The following NTNG2 variants were observed in gnomAD, a reference collection of about 807,000 sequenced individuals.
The protein encoded by NTNG2 is netrin G2.
Under a neutral mutation model 47.6 loss-of-function variants are expected in NTNG2, and 15 were observed. That is an observed-to-expected ratio of 0.32 (90% CI 0.21 to 0.49). The LOEUF (loss-of-function observed/expected upper bound fraction) is 0.49. NTNG2 is among the 20% of genes least tolerant of loss of function. The pLI is 0.99. For synonymous variants in NTNG2, 307 were observed against 324.6 expected (o/e 0.95, Z 0.58); for missense variants, 578 against 764.6 (o/e 0.76, Z 2.88).
intron 3 of NTNG2, among the ~76,000 whole-genome samples, chr9:132,220,633 T>C (rs1334637029): frequency 6.6e-6 from 1 of 152,102 alleles, no homozygotes; most frequent in African/African-American, 2.4e-5. Flanking sequence ...TTTGTGATTT[T>C]AGTAGAGACG....
chr9:132,188,828 C>T (rs1452089890), intron 2 of NTNG2, among the ~76,000 whole-genome samples: 1 of 152,124 alleles, frequency 6.6e-6, no homozygotes, highest in Non-Finnish European at 1.5e-5. Context: ...CGAAGATTTC[C>T]CGAGTCCCTG....
At chr9:132,207,995 C>A (rs28436026) in intron 3 of NTNG2, among the ~76,000 whole-genome samples, 1 of 151,998 alleles carries the variant, frequency 6.6e-6, no homozygotes, top group South Asian at 2.1e-4. Flanking sequence ...TCTCAGATAC[C>A]TGGGAGGCTG....
At position 132,240,727 on chromosome 9, in the gene NTNG2, C is replaced by G; in HGVS notation, c.1223-183C>G. 5.0e-6 allele frequency: 4 copies of G among 794,038 alleles called. No homozygotes were observed. The South Asian group carries it at 6.9e-5, about 14-fold the overall frequency. 49.2% of individuals were successfully genotyped at this position (794,038 alleles called of 1,614,324 possible). ...AAGGAAGGAAGCCAGAGTCTTCTCT[C>G]CAGGCCTGGCCACCCTGGGAAGTCC... is the stretch of plus-strand genomic sequence containing the variant. On this transcript the variant is annotated intron_variant, in intron 6 of 7. Transcript: ENST00000393229.
rs1174167451 is a variant in NTNG2 at position 132,197,304 on chromosome 9, G to A, written c.214-662G>A. Among the ~76,000 whole-genome samples, 1 of 152,130 alleles carries A rather than the reference G, an allele frequency of 6.6e-6. No homozygotes were observed. Among genetic ancestry groups the A allele is most frequent in the Non-Finnish European group, 1.5e-5 (1 of 68,018 alleles). On this transcript the variant is annotated intron_variant, in intron 2 of 7. Transcript: ENST00000393229. The surrounding 1 kb of genome is among the most constrained non-coding windows in gnomAD (Gnocchi z 4.3). ...CTTGGGAGGCTGAGGCAGGAGAATC[G>A]CTGGAACCTGGGAGGTGGAGGTTGC...
intron 2 of NTNG2, among the ~76,000 whole-genome samples, chr9:132,187,294 A>T (rs1255386081): frequency 6.6e-6 from 1 of 152,178 alleles, no homozygotes; most frequent in Non-Finnish European, 1.5e-5. Context: ...TGGGAGGAAA[A>T]TTGCTCCAAC....
chr9:132,183,198 G>C (rs1837083125), intron 2 of NTNG2, among the ~76,000 whole-genome samples: 1 of 152,124 alleles, frequency 6.6e-6, no homozygotes, highest in Non-Finnish European at 1.5e-5. Flanking sequence ...CCAGGCTTGG[G>C]AGAGGGCCAC....
rs966671053 is a variant in NTNG2 at position 132,163,062 on chromosome 9, C to A, written c.-484+823C>A. On this transcript the variant is annotated intron_variant, in intron 1 of 7. Coordinates refer to ENST00000393229, the MANE Select transcript of NTNG2 (RefSeq NM_032536.4). The surrounding 1 kb of genome is among the most constrained non-coding windows in gnomAD (Gnocchi z 7.2). ...GCAAAGGATACAGCCAGTTCCTGGG[C>A]GCCCTGCTCTGTGTCTTTTAATTAA... is the stretch of plus-strand genomic sequence containing the variant. 3.9e-5 allele frequency among the ~76,000 whole-genome samples: 6 copies of A among 152,152 alleles called. No individual in the cohort carries two copies. The highest frequency in any genetic ancestry group is 1.4e-4 in the African/African-American group (6 of 41,442).
intron 3 of NTNG2, among the ~76,000 whole-genome samples, chr9:132,209,516 G>T (rs933799971): frequency 6.6e-6 from 1 of 152,196 alleles, no homozygotes; most frequent in Non-Finnish European, 1.5e-5. Flanking sequence ...GCAGGGCGGT[G>T]CCCCAAAGCC....
rs988329611 is a variant in NTNG2 at position 132,218,777 on chromosome 9, G to A, written c.858-8072G>A. On this transcript the variant is annotated intron_variant, in intron 3 of 7. Transcript: ENST00000393229. The surrounding 1 kb of genome is among the most constrained non-coding windows in gnomAD (Gnocchi z 5.4). ...TTCCCAAAGTGCTGGGATTACAGGC[G>A]TGAGCCAACGCGCCCGGCCCCAATG... Among the ~76,000 whole-genome samples, 14 of 152,148 alleles carry A rather than the reference G, an allele frequency of 9.2e-5. No individual in the cohort carries two copies. The highest frequency in any genetic ancestry group is 2.9e-4 in the African/African-American group (12 of 41,426).
chr9:132,210,550 G>A (rs905832271), intron 3 of NTNG2, among the ~76,000 whole-genome samples: 4 of 152,302 alleles, frequency 2.6e-5, no homozygotes, highest in East Asian at 1.9e-4. Context: ...TGCCAACAGC[G>A]GACGGGGGAC....
At chr9:132,240,801 T>TC in intron 6 of NTNG2, 109 bp from the exon 7 acceptor site, 1 of 1,519,592 alleles carries the variant, frequency 6.6e-7, no homozygotes, top group South Asian at 1.2e-5. Context: ...GTGGGGAGCA[T>TC]CCCCTGGGGA....
intron 2 of NTNG2, among the ~76,000 whole-genome samples, chr9:132,179,992 C>T (rs997543133): frequency 2.6e-5 from 4 of 151,940 alleles, no homozygotes; most frequent in Non-Finnish European, 4.4e-5. Flanking sequence ...GTGAATCTAA[C>T]CCTGGAGTGT....
intron 3 of NTNG2, 134 bp downstream of exon 3, chr9:132,198,743 T>C (rs750820354): frequency 3.2e-6 from 3 of 937,910 alleles, no homozygotes; most frequent in Non-Finnish European, 3.2e-6. Flanking sequence ...CCTGGTTCCC[T>C]GGGCGTTACC....
chr9:132,192,090 G>A (rs1589426302), intron 2 of NTNG2, among the ~76,000 whole-genome samples: 1 of 152,172 alleles, frequency 6.6e-6, no homozygotes, highest in Non-Finnish European at 1.5e-5. Context: ...TTTGTGATTA[G>A]TTGATCTGCT....
At chr9:132,204,709 T>C (rs1023626530) in intron 3 of NTNG2, among the ~76,000 whole-genome samples, 1 of 152,162 alleles carries the variant, frequency 6.6e-6, no homozygotes, top group Admixed American at 6.5e-5. Context: ...GTGCATTTCC[T>C]CATTAAGTCC....
At chr9:132,220,643 G>A (rs1426309158) in intron 3 of NTNG2, among the ~76,000 whole-genome samples, 5 of 151,776 alleles carry the variant, frequency 3.3e-5, no homozygotes, top group Non-Finnish European at 7.4e-5. Flanking sequence ...TAGTAGAGAC[G>A]GGGTTTCACC....
chr9:132,167,067 T>A, intron 2 of NTNG2, 23 bp downstream of exon 2: 2 of 1,611,894 alleles, frequency 1.2e-6, no homozygotes, highest in Non-Finnish European at 1.7e-6. Flanking sequence ...ACTGCTCTTT[T>A]GTTTGCCCAG....
intron 3 of NTNG2, among the ~76,000 whole-genome samples, chr9:132,213,049 T>C (rs1839713701): frequency 6.6e-6 from 1 of 152,160 alleles, no homozygotes; most frequent in Non-Finnish European, 1.5e-5. Context: ...CCGGGCACAA[T>C]GGCTCATGCC....
intron 2 of NTNG2, among the ~76,000 whole-genome samples, chr9:132,173,420 G>A (rs1228580300): frequency 6.6e-6 from 1 of 152,188 alleles, no homozygotes; most frequent in Non-Finnish European, 1.5e-5. Context: ...CCCGTGGAAG[G>A]CAGGCAGCTG....
Sources: allele counts gnomAD v4.1 joint callset (sites outside exome capture counted in the v4.1 genomes callset), GRCh38; gene constraint gnomAD v4.1.1; non-coding constraint Gnocchi (gnomAD v3.1); transcripts MANE v1.5; gene names NCBI Gene and HGNC (gene_info 2026-07-23, HGNC 2026-07-21).